Variants in FHIT observed in about 807,000 individuals in gnomAD.
FHIT encodes the protein fragile histidine triad diadenosine triphosphatase, also known as bis(5'-adenosyl)-triphosphatase.
Under a neutral mutation model 17.9 loss-of-function variants are expected in FHIT, and 19 were observed. The ratio of observed to expected loss-of-function variants is 1.06; its 90% confidence interval spans 0.74 to 1.56. The LOEUF (loss-of-function observed/expected upper bound fraction) is 1.56. Among genes scored for constraint, FHIT ranks in the 40% most tolerant of loss-of-function variants. FHIT has a pLI of 0.00. For synonymous variants in FHIT, 81 were observed against 69.7 expected (o/e 1.16, Z -0.81); for missense variants, 248 against 189.2 (o/e 1.31, Z -1.82).
rs144071402 is a variant in FHIT at position 60,163,831 on chromosome 3, C to A, written c.104-149679G>T. 1.3e-3 allele frequency among the ~76,000 whole-genome samples: 203 copies of A among 152,262 alleles called. 1 individual carries two copies. The highest frequency in any genetic ancestry group is 4.7e-3 in the African/African-American group (195 of 41,548). ...GACGTTGCCAGAAGTCCCTAGAGGA[C>A]AAAATCACTCCTAGTTGGGAAACAC... On this transcript the variant is annotated intron_variant, in intron 5 of 9. Coordinates refer to ENST00000492590, the MANE Select transcript of FHIT (RefSeq NM_002012.4).
intron 5 of FHIT, among the ~76,000 whole-genome samples, chr3:60,421,163 C>G (rs551657151): frequency 2.6e-5 from 4 of 151,662 alleles, no homozygotes; most frequent in African/African-American, 9.7e-5. Context: ...CCATTTATTT[C>G]TACTGCCTCT....
intron 1 of FHIT, among the ~76,000 whole-genome samples, chr3:61,250,580 G>C (rs2040597779): frequency 6.6e-6 from 1 of 152,118 alleles, no homozygotes; most frequent in Non-Finnish European, 1.5e-5. Flanking sequence ...GTAACACAGC[G>C]AGGGCAGAAT....
chr3:61,028,319 A>C (rs972862244), intron 3 of FHIT, among the ~76,000 whole-genome samples: 3 of 152,184 alleles, frequency 2.0e-5, no homozygotes, highest in Non-Finnish European at 2.9e-5. Context: ...TCCTGCCTCC[A>C]AGACAGTTGA....
At chr3:61,092,733 T>C (rs2035524441) in intron 2 of FHIT, among the ~76,000 whole-genome samples, 2 of 152,226 alleles carry the variant, frequency 1.3e-5, no homozygotes, top group South Asian at 2.1e-4. Context: ...AATAAGATGA[T>C]ATTTATGCTC....
chr3:61,070,296 G>T (rs1236854055), intron 2 of FHIT, among the ~76,000 whole-genome samples: 1 of 152,178 alleles, frequency 6.6e-6, no homozygotes, highest in Non-Finnish European at 1.5e-5. Context: ...TAAAAGGCAG[G>T]CTTCGGTATG....
intron 3 of FHIT, among the ~76,000 whole-genome samples, chr3:60,971,837 C>T (rs1439471989): frequency 6.6e-6 from 1 of 152,078 alleles, no homozygotes; most frequent in Non-Finnish European, 1.5e-5. Context: ...CATTTATTAG[C>T]AGGAATCCTA....
chr3:60,195,580 T>TTTATATAA (rs1491375532), intron 5 of FHIT, among the ~76,000 whole-genome samples: 20 of 136,840 alleles, frequency 1.5e-4, no homozygotes, highest in African/African-American at 3.0e-4. Context: ...TATAATTATA[T>TTTATATAA]TTATATTTAT....
chr3:60,489,418 C>A (rs1252843658), intron 5 of FHIT, among the ~76,000 whole-genome samples: 1 of 152,072 alleles, frequency 6.6e-6, no homozygotes, highest in Non-Finnish European at 1.5e-5. Flanking sequence ...CTCCTTTTAA[C>A]AAAGTTTAAA....
intron 4 of FHIT, among the ~76,000 whole-genome samples, chr3:60,778,783 G>A (rs1700286895): frequency 6.6e-6 from 1 of 152,166 alleles, no homozygotes; most frequent in African/African-American, 2.4e-5. Context: ...ATTTTACCAA[G>A]GTTTTGACTG....
intron 5 of FHIT, among the ~76,000 whole-genome samples, chr3:60,505,294 T>C (rs1210029301): frequency 2.0e-5 from 3 of 152,178 alleles, no homozygotes; most frequent in Admixed American, 1.3e-4. Flanking sequence ...TCATTTATAT[T>C]GGGACTTCAC....
intron 1 of FHIT, chr3:61,243,968 A>G (rs1450678352): frequency 1.3e-5 from 2 of 152,164 alleles, no homozygotes; most frequent in Non-Finnish European, 2.9e-5. Context: ...TACTTTCTAG[A>G]TATTTCATTC....
chr3:60,118,834 C>T (rs78454743), intron 5 of FHIT, among the ~76,000 whole-genome samples: 35,703 of 137,668 alleles, frequency 0.26, 6,006 homozygotes, highest in Non-Finnish European at 0.35. Flanking sequence ...CTGGGCAACA[C>T]GGCAAAACTC....
chr3:60,499,582 G>A (rs756060532), intron 5 of FHIT, among the ~76,000 whole-genome samples: 2 of 152,106 alleles, frequency 1.3e-5, no homozygotes, highest in African/African-American at 2.4e-5. Flanking sequence ...TAGTAGAGAC[G>A]GGGTTTCACC....
At chr3:60,001,799 C>T (rs989935732) in intron 7 of FHIT, among the ~76,000 whole-genome samples, 1 of 152,120 alleles carries the variant, frequency 6.6e-6, no homozygotes, top group African/African-American at 2.4e-5. Context: ...ACATTTATTC[C>T]TTCCTTGGCC....
At chr3:60,958,026 T>C (rs1553779496) in intron 3 of FHIT, among the ~76,000 whole-genome samples, 1 of 152,228 alleles carries the variant, frequency 6.6e-6, no homozygotes, top group East Asian at 1.9e-4. Flanking sequence ...TATTCTTTTG[T>C]ACGCACTTAA....
chr3:60,066,741 C>T (rs1702529352), intron 5 of FHIT, among the ~76,000 whole-genome samples: 1 of 145,818 alleles, frequency 6.9e-6, no homozygotes, highest in African/African-American at 2.5e-5. Context: ...ACTGCAAGCT[C>T]CGCCTCGCGG....
chr3:59,983,852 C>A (rs936690316), intron 7 of FHIT, among the ~76,000 whole-genome samples: 1 of 152,002 alleles, frequency 6.6e-6, no homozygotes, highest in Admixed American at 6.6e-5. Context: ...CTGTATTACC[C>A]CTGTGGCCAA....
chr3:59,890,397 A>C (rs1703804246), intron 8 of FHIT, among the ~76,000 whole-genome samples: 1 of 152,140 alleles, frequency 6.6e-6, no homozygotes, highest in Non-Finnish European at 1.5e-5. Flanking sequence ...AACACTGGAA[A>C]AGAAAAGGGC....
At chr3:59,995,359 C>T (rs921886044) in intron 7 of FHIT, among the ~76,000 whole-genome samples, 1 of 152,056 alleles carries the variant, frequency 6.6e-6, no homozygotes, top group African/African-American at 2.4e-5. Context: ...TAGCTTTCAC[C>T]TCTCAAGTGT....
Sources: gnomAD v4.1 joint callset for allele counts (sites outside exome capture counted in the v4.1 genomes callset) on GRCh38, gnomAD v4.1.1 for gene constraint, MANE v1.5 for transcripts, NCBI Gene and HGNC (gene_info 2026-07-23, HGNC 2026-07-21) for gene names.